The following FHIT variants were observed in gnomAD, a reference collection of about 807,000 sequenced individuals.
FHIT encodes the protein bis(5'-adenosyl)-triphosphatase.
Under a neutral mutation model 17.9 loss-of-function variants are expected in FHIT, and 19 were observed. The ratio of observed to expected loss-of-function variants is 1.06; its 90% confidence interval spans 0.74 to 1.56. FHIT has a LOEUF of 1.56. Among genes scored for constraint, FHIT ranks in the 40% most tolerant of loss-of-function variants. FHIT has a pLI of 0.00. For synonymous variants in FHIT, 81 were observed against 69.7 expected (o/e 1.16, Z -0.81); for missense variants, 248 against 189.2 (o/e 1.31, Z -1.82).
At chr3:60,623,183 T>A (rs58388563) in intron 4 of FHIT, among the ~76,000 whole-genome samples, 2,370 of 152,318 alleles carry the variant, frequency 0.016, 69 homozygotes, top group African/African-American at 0.055. Context: ...ATAACTTTTT[T>A]AATGCAATTG....
chr3:59,818,130 T>C (rs141847157), intron 8 of FHIT, among the ~76,000 whole-genome samples: 99 of 151,700 alleles, frequency 6.5e-4, no homozygotes, highest in African/African-American at 2.3e-3. Flanking sequence ...AAGGAGGCCT[T>C]TGATCCATTC....
chr3:60,578,517 T>G (rs1038221318), intron 4 of FHIT, among the ~76,000 whole-genome samples: 2 of 151,958 alleles, frequency 1.3e-5, no homozygotes, highest in Non-Finnish European at 2.9e-5. Context: ...ATTCAACCTA[T>G]AGTTTATCAT....
At chr3:60,489,099 A>C (rs1418298788) in intron 5 of FHIT, among the ~76,000 whole-genome samples, 2 of 152,198 alleles carry the variant, frequency 1.3e-5, no homozygotes, top group Non-Finnish European at 2.9e-5. Context: ...CACAATATTT[A>C]ATAAATAGCA....
chr3:60,842,080 G>T lies in FHIT; in HGVS notation c.-110-20069C>A, dbSNP rs928760514. Among the ~76,000 whole-genome samples, 3 of 152,090 alleles carry T rather than the reference G, an allele frequency of 2.0e-5. No individual in the cohort carries two copies. The East Asian group carries it at 5.8e-4, about 29-fold the overall frequency. On this transcript the variant is annotated intron_variant, in intron 3 of 9. Transcript: ENST00000492590. ...TACACAACTGTCATCAAGCATGTTA[G>T]GACATCCTAGAGAGTAGTTCCCAAA...
At chr3:60,343,529 G>A (rs1037502501) in intron 5 of FHIT, among the ~76,000 whole-genome samples, 3 of 152,120 alleles carry the variant, frequency 2.0e-5, no homozygotes, top group African/African-American at 7.2e-5. Flanking sequence ...GAAAGGTGGT[G>A]TATTAAATAT....
intron 4 of FHIT, among the ~76,000 whole-genome samples, chr3:60,733,255 C>T (rs1170197323): frequency 2.4e-4 from 37 of 152,164 alleles, no homozygotes. Flanking sequence ...ACTAGGAATT[C>T]AGGCAGAATG....
At chr3:60,536,308 A>G (rs1451628400) in intron 5 of FHIT, 1 of 152,214 alleles carries the variant, frequency 6.6e-6, no homozygotes, top group South Asian at 2.1e-4. Context: ...TATTTTTCCC[A>G]AGAGAAAATG....
chr3:60,045,891 C>A (rs970304197), intron 5 of FHIT, among the ~76,000 whole-genome samples: 5 of 152,172 alleles, frequency 3.3e-5, no homozygotes, highest in Admixed American at 3.3e-4. Context: ...AACTAGAGAT[C>A]ACCAGCAGGA....
chr3:60,266,988 T>C lies in FHIT; in HGVS notation c.104-252836A>G, dbSNP rs144630956. ...GTTTACTCCACACTTCAGCTTTAGA[T>C]GACATTTCAATACTGTACTAATATG... is the stretch of plus-strand genomic sequence containing the variant. On this transcript the variant is annotated intron_variant, in intron 5 of 9. Coordinates refer to ENST00000492590, the MANE Select transcript of FHIT (RefSeq NM_002012.4). 2.2e-3 allele frequency among the ~76,000 whole-genome samples: 330 copies of C among 152,202 alleles called. 2 individuals are homozygous for C. The highest frequency in any genetic ancestry group is 7.5e-3 in the African/African-American group (312 of 41,542).
intron 5 of FHIT, among the ~76,000 whole-genome samples, chr3:60,201,148 G>T (rs1702884606): frequency 6.6e-6 from 1 of 151,914 alleles, no homozygotes; most frequent in Admixed American, 6.6e-5. Context: ...TTTATGTTTG[G>T]TTTAGCCATT....
intron 1 of FHIT, among the ~76,000 whole-genome samples, chr3:61,204,851 T>C (rs1035739560): frequency 2.1e-4 from 32 of 152,128 alleles, no homozygotes; most frequent in African/African-American, 7.7e-4. Context: ...TACTTTAAGT[T>C]TTAGGGTACA....
intron 1 of FHIT, among the ~76,000 whole-genome samples, chr3:61,226,903 G>GCCCCTGC (rs1311408271): frequency 6.6e-6 from 1 of 152,130 alleles, no homozygotes; most frequent in East Asian, 1.9e-4. Flanking sequence ...AACAGACACA[G>GCCCCTGC]CCCCTGCCCT....
chr3:60,510,366 C>T (rs747645204), intron 5 of FHIT, among the ~76,000 whole-genome samples: 18 of 152,174 alleles, frequency 1.2e-4, no homozygotes, highest in South Asian at 2.1e-4. Flanking sequence ...AGAGTTTAAA[C>T]GGCCATGATT....
chr3:60,428,358 G>A (rs1213122631), intron 5 of FHIT, among the ~76,000 whole-genome samples: 2 of 152,054 alleles, frequency 1.3e-5, no homozygotes, highest in Non-Finnish European at 1.5e-5. Context: ...GTGGCAATAG[G>A]ACCCATTTCC....
At chr3:60,562,088 T>A (rs2036973991) in intron 4 of FHIT, among the ~76,000 whole-genome samples, 2 of 152,184 alleles carry the variant, frequency 1.3e-5, no homozygotes, top group South Asian at 4.1e-4. Context: ...ACATCTACTA[T>A]GTGCCAGACC....
chr3:61,019,232 A>G (rs2032275643), intron 3 of FHIT, among the ~76,000 whole-genome samples: 2 of 152,222 alleles, frequency 1.3e-5, no homozygotes, highest in Non-Finnish European at 2.9e-5. Flanking sequence ...GCAATATGTT[A>G]TGAAATATAT....
chr3:61,039,949 G>C (rs374096261), intron 3 of FHIT, among the ~76,000 whole-genome samples: 31 of 152,180 alleles, frequency 2.0e-4, no homozygotes, highest in African/African-American at 7.5e-4. Context: ...TCTTCTGAAA[G>C]CCAGACTCCT....
chr3:61,243,136 A>G (rs887932099), intron 1 of FHIT, among the ~76,000 whole-genome samples: 4 of 152,148 alleles, frequency 2.6e-5, no homozygotes, highest in African/African-American at 9.7e-5. Context: ...GGTTAGAGGC[A>G]AGTTAGATGC....
At chr3:60,456,791 A>G (rs529236292) in intron 5 of FHIT, among the ~76,000 whole-genome samples, 1 of 152,324 alleles carries the variant, frequency 6.6e-6, no homozygotes, top group South Asian at 2.1e-4. Context: ...GACTTTTAAT[A>G]CATCAAGACT....
Sources: allele counts gnomAD v4.1 joint callset (sites outside exome capture counted in the v4.1 genomes callset), GRCh38; gene constraint gnomAD v4.1.1; transcripts MANE v1.5; gene names NCBI Gene and HGNC (gene_info 2026-07-23, HGNC 2026-07-21).